FBXO38: variants seen among roughly 807,000 people sequenced by gnomAD.
FBXO38 encodes the protein F-box only protein 38.
A neutral mutation model predicts 131.9 loss-of-function variants in FBXO38; 53 were observed. The ratio of observed to expected loss-of-function variants is 0.40; its 90% confidence interval spans 0.32 to 0.51. The LOEUF (loss-of-function observed/expected upper bound fraction) is 0.51, where lower values mean the gene tolerates loss of function less well. Ranked by LOEUF, FBXO38 falls within the 20% of genes least tolerant of loss-of-function variation. The pLI is 0.53. For synonymous variants in FBXO38, 452 were observed against 505.6 expected, an observed-to-expected ratio of 0.89 and a Z score of 1.42; for missense variants, 1,076 against 1,475.6, an observed-to-expected ratio of 0.73 and a Z score of 4.44.
At chr5:148,429,331 A>AT (rs1753899730) in intron 15 of FBXO38, among the ~76,000 whole-genome samples, 1 of 138,910 alleles carries the variant, frequency 7.2e-6, no homozygotes, top group African/African-American at 2.7e-5. Flanking sequence ...TGTGGGAGCT[A>AT]ATTTTTTTTT....
chr5:148,421,418 A>G (rs1753422564), intron 12 of FBXO38, among the ~76,000 whole-genome samples: 1 of 152,188 alleles, frequency 6.6e-6, no homozygotes, highest in South Asian at 2.1e-4. Context: ...ATTTTGTTTT[A>G]CACTTTGGGG....
chr5:148,416,858 G>T (rs1753083164), intron 11 of FBXO38, 136 bp from the exon 12 acceptor site: 2 of 627,776 alleles, frequency 3.2e-6, no homozygotes, highest in Non-Finnish European at 5.7e-6. Flanking sequence ...TTTTCTATGT[G>T]TATGTGAAAG....
At chr5:148,408,088 GTT>G (rs1203175216) in intron 7 of FBXO38, among the ~76,000 whole-genome samples, 1 of 152,110 alleles carries the variant, frequency 6.6e-6, no homozygotes. Context: ...GAATAGAAAA[GTT>G]TGCACACAAG....
intron 1 of FBXO38, among the ~76,000 whole-genome samples, chr5:148,389,524 T>A (rs1466207219): frequency 6.6e-6 from 1 of 152,210 alleles, no homozygotes; most frequent in African/African-American, 2.4e-5. Context: ...CCTCCTTTAC[T>A]CTTTCTTTTT....
intron 15 of FBXO38, among the ~76,000 whole-genome samples, chr5:148,428,300 G>A (rs540437484): frequency 1.3e-5 from 2 of 152,290 alleles, no homozygotes; most frequent in South Asian, 2.1e-4. Context: ...TTTAAACTCA[G>A]CCAAAAGGCA....
chr5:148,399,273 T>C (rs1752004575), intron 3 of FBXO38, 141 bp downstream of exon 3: 1 of 919,930 alleles, frequency 1.1e-6, no homozygotes, highest in Non-Finnish European at 1.6e-6. Flanking sequence ...AAATTATTTA[T>C]GTTGGGTTTT....
chr5:148,402,496 A>G lies in FBXO38; in HGVS notation c.575A>G (p.Gln192Arg). Residue 192 changes from glutamine (Q) to arginine (R), a missense_variant, in exon 5 of 22, where the codon CAA becomes CGA. Gln to Arg is a conservative substitution (Grantham distance 43). This residue lies in a region of FBXO38 where 96 missense variants were observed against 193.9 expected (regional missense o/e 0.50). Transcript: ENST00000340253. ...AAAATTCCTATAGGAGCCAAAATTC[A>G]AACTTTACATTTAGTTGGTGAGTAC... Reference protein sequence around the residue: ...KLKIPIGAKIQTLHLVGVNVP... With the variant: ...KLKIPIGAKIRTLHLVGVNVP... The G allele has an allele frequency of 6.2e-7, 1 of 1,609,104 alleles. No homozygotes were observed. Among genetic ancestry groups the G allele is most frequent in the Non-Finnish European group, 8.5e-7 (1 of 1,177,144 alleles).
At chr5:148,440,366 C>G in intron 19 of FBXO38, 58 bp from the exon 20 acceptor site, 2 of 1,049,650 alleles carry the variant, frequency 1.9e-6, no homozygotes, top group Non-Finnish European at 3.0e-6. Flanking sequence ...TCCTTCCTAC[C>G]CGACACTAAT....
At chr5:148,421,511 T>A (rs1178714826) in intron 12 of FBXO38, among the ~76,000 whole-genome samples, 1 of 152,188 alleles carries the variant, frequency 6.6e-6, no homozygotes, top group Non-Finnish European at 1.5e-5. Flanking sequence ...ATAAAAATTA[T>A]TTTGTTAAGA....
rs62387737 is a variant in FBXO38, at chr5:148,404,010, C to G, written c.593-675C>G. 2.6e-3 allele frequency among the ~76,000 whole-genome samples: 389 copies of G among 152,188 alleles called. 1 individual carries two copies. Among genetic ancestry groups the G allele is most frequent in the Non-Finnish European group, 4.0e-3 (271 of 67,984 alleles). ...GTCATGGTCCTCTGTGGATATGATT[C>G]CTAGTATTAAGCCACTCCTGGATCC... On this transcript the variant is annotated intron_variant, in intron 5 of 21. Transcript: ENST00000340253.
chr5:148,418,936 A>G (rs776556488), intron 12 of FBXO38, among the ~76,000 whole-genome samples: 11 of 152,214 alleles, frequency 7.2e-5, no homozygotes, highest in Non-Finnish European at 1.5e-4. Flanking sequence ...TGGAACTTAC[A>G]TCTTAATTTG....
At chr5:148,409,253 GA>G in intron 8 of FBXO38, 36 bp downstream of exon 8, 1 of 1,334,396 alleles carries the variant, frequency 7.5e-7, no homozygotes, top group Non-Finnish European at 1.1e-6. Context: ...TCTCACTTTA[GA>G]AGTAATTATG....
At chr5:148,437,258 G>A (rs1040069253) in intron 17 of FBXO38, among the ~76,000 whole-genome samples, 10 of 152,220 alleles carry the variant, frequency 6.6e-5, no homozygotes, top group African/African-American at 2.2e-4. Context: ...TAATGACAGC[G>A]GAGATGATTA....
Position 148,429,159 on chromosome 5 carries a change from G to T in FBXO38, c.2653+1212G>T, listed in dbSNP as rs192744403. ...GACACCTTTTGTTGTGTGGTTTTTCGTATTTGCAAAGTCAGATATGCATGT... is the reference window on the plus strand; with the variant it reads ...GACACCTTTTGTTGTGTGGTTTTTCTTATTTGCAAAGTCAGATATGCATGT... On this transcript the variant is annotated intron_variant, in intron 15 of 21. Transcript: ENST00000340253. Among the ~76,000 whole-genome samples, 342 of 152,158 alleles carry T rather than the reference G, an allele frequency of 2.2e-3. 3 individuals carry two copies. Among genetic ancestry groups the T allele is most frequent in the African/African-American group, 7.8e-3 (324 of 41,512 alleles).
At position 148,433,468 on chromosome 5, in the gene FBXO38, A is replaced by G. The variant is rs1754158886; in HGVS notation, c.2698A>G (p.Thr900Ala). ...ACGTCACGCCATGAAACGGAAGCGG[A>G]CAGCAGATAAATCCACTAGTACAAG... The part of the protein sequence containing the change: ...KPRHAMKRKR[T>A]ADKSTSTSDP... The change falls in exon 16 of 22, where the codon ACA (threonine) becomes GCA (alanine). Residue 900 changes from threonine (T) to alanine (A), a missense_variant. Physicochemically the swap from Thr to Ala is moderately conservative, Grantham distance 58. Around this residue, in one of 8 missense-constraint regions of FBXO38, gnomAD observed 282 missense variants for 418.8 expected, o/e 0.67. Coordinates refer to ENST00000340253, the MANE Select transcript of FBXO38 (RefSeq NM_205836.3). 4 of 1,613,902 alleles carry G rather than the reference A, an allele frequency of 2.5e-6. No individual in the cohort carries two copies. The African/African-American group carries it at 4.0e-5, about 16-fold the overall frequency.
Position 148,404,817 on chromosome 5 carries a change from G to T in FBXO38, c.725G>T (p.Cys242Phe). The change falls in exon 6 of 22, where the codon TGT (cysteine) becomes TTT (phenylalanine). Residue 242 changes from cysteine to phenylalanine, a missense_variant. This residue lies in a region of FBXO38 where 66 missense variants were observed against 72.4 expected (regional missense o/e 0.91). Coordinates refer to ENST00000340253, the MANE Select transcript of FBXO38 (RefSeq NM_205836.3). The part of the protein sequence containing the change: ...ISLRTFVMRN[C>F]AGPTNSLKYV... ...TTAAGAACTTTCGTCATGAGGAACT[G>T]TGCAGGTAATGGTACACAATTATGG... 1 of 1,601,252 alleles carries T rather than the reference G, an allele frequency of 6.2e-7. No homozygotes were observed. Among genetic ancestry groups the T allele is most frequent in the Non-Finnish European group, 8.5e-7 (1 of 1,176,328 alleles).
At chr5:148,422,561 C>T (rs1753502665) in intron 12 of FBXO38, among the ~76,000 whole-genome samples, 1 of 152,142 alleles carries the variant, frequency 6.6e-6, no homozygotes, top group Non-Finnish European at 1.5e-5. Flanking sequence ...TAGAGTAAGC[C>T]ATGAGACTAG....
At chr5:148,422,847 C>T (rs1054241203) in intron 12 of FBXO38, among the ~76,000 whole-genome samples, 2 of 152,202 alleles carry the variant, frequency 1.3e-5, no homozygotes, top group African/African-American at 4.8e-5. Flanking sequence ...GCAAACAATT[C>T]TAAGCTTTTT....
At chr5:148,430,807 G>A (rs767096801) in intron 15 of FBXO38, 1 of 152,082 alleles carries the variant, frequency 6.6e-6, no homozygotes, top group Non-Finnish European at 1.5e-5. Flanking sequence ...TAATATAATT[G>A]TTTTGTGAAT....
Sources: allele counts gnomAD v4.1 joint callset (sites outside exome capture counted in the v4.1 genomes callset), GRCh38; gene constraint gnomAD v4.1.1; regional missense constraint gnomAD v4.1.1; transcripts MANE v1.5; gene names NCBI Gene and HGNC (gene_info 2026-07-23, HGNC 2026-07-21).